Variants in DOK6 observed in about 807,000 individuals in gnomAD.
The protein encoded by DOK6 is downstream of tyrosine kinase 6.
In DOK6, 22 loss-of-function variants were observed where a neutral mutation model predicts 44.0. The observed-to-expected ratio is 0.50, with a 90% CI of 0.36 to 0.71. DOK6 has a LOEUF of 0.71. Among genes scored for constraint, DOK6 ranks in the 30% least tolerant of loss-of-function variants. The pLI is 0.00. For synonymous variants in DOK6, 166 were observed against 145.5 expected (o/e 1.14, Z -1.01); for missense variants, 340 against 416.4 (o/e 0.82, Z 1.60).
chr18:69,436,055 C>A (rs1277735912), intron 1 of DOK6, among the ~76,000 whole-genome samples: 1 of 151,972 alleles, frequency 6.6e-6, no homozygotes, highest in East Asian at 1.9e-4. Flanking sequence ...AATTACAGTT[C>A]TTACACCTTA....
At chr18:69,403,971 G>A (rs2122378427) in intron 1 of DOK6, among the ~76,000 whole-genome samples, 1 of 152,206 alleles carries the variant, frequency 6.6e-6, no homozygotes, top group East Asian at 1.9e-4. Context: ...TGTGATTTAT[G>A]TCCAAAACTA....
chr18:69,764,879 A>G (rs1243288339), intron 7 of DOK6, among the ~76,000 whole-genome samples: 1 of 152,152 alleles, frequency 6.6e-6, no homozygotes, highest in Non-Finnish European at 1.5e-5. Context: ...ATTAATATCC[A>G]CAGGCCAGCT....
At chr18:69,639,673 C>G (rs966780416) in intron 3 of DOK6, among the ~76,000 whole-genome samples, 9 of 151,638 alleles carry the variant, frequency 5.9e-5, no homozygotes, top group Admixed American at 5.9e-4. Context: ...AGCATGGCAT[C>G]GAATTGTGTA....
At chr18:69,803,913 A>G (rs1184564592) in intron 7 of DOK6, among the ~76,000 whole-genome samples, 1 of 152,212 alleles carries the variant, frequency 6.6e-6, no homozygotes, top group Non-Finnish European at 1.5e-5. Context: ...AGTGCAGAAA[A>G]GTTGCAGGAA....
At chr18:69,475,845 G>A (rs1446774102) in intron 1 of DOK6, among the ~76,000 whole-genome samples, 1 of 152,102 alleles carries the variant, frequency 6.6e-6, no homozygotes, top group African/African-American at 2.4e-5. Context: ...TAAACAATAT[G>A]AGCCACTTAT....
chr18:69,776,829 A>G (rs1980081809), intron 7 of DOK6, among the ~76,000 whole-genome samples: 1 of 152,116 alleles, frequency 6.6e-6, no homozygotes, highest in Non-Finnish European at 1.5e-5. Context: ...AATATATTCT[A>G]AAGAAATGTA....
chr18:69,457,800 C>T (rs1339463210), intron 1 of DOK6, among the ~76,000 whole-genome samples: 1 of 152,152 alleles, frequency 6.6e-6, no homozygotes. Flanking sequence ...TTTGTGTCAT[C>T]TCAGATTTAT....
At chr18:69,672,695 T>G (rs1467320636) in intron 3 of DOK6, among the ~76,000 whole-genome samples, 1 of 59,018 alleles carries the variant, frequency 1.7e-5, no homozygotes, top group Non-Finnish European at 3.3e-5. Context: ...CTTCCCACTA[T>G]TAAAAAAAAA....
At chr18:69,757,490 AG>A (rs1304767464) in intron 6 of DOK6, among the ~76,000 whole-genome samples, 1 of 152,262 alleles carries the variant, frequency 6.6e-6, no homozygotes, top group East Asian at 1.9e-4. Flanking sequence ...AGTGTTTGCC[AG>A]CATTCCCCAT....
chr18:69,575,610 T>C (rs1983220273), intron 2 of DOK6, among the ~76,000 whole-genome samples: 2 of 152,060 alleles, frequency 1.3e-5, no homozygotes, highest in Non-Finnish European at 1.5e-5. Context: ...TAAGAAATGC[T>C]TTTAAAAATT....
At chr18:69,796,862 C>G (rs1376252422) in intron 7 of DOK6, among the ~76,000 whole-genome samples, 1 of 152,150 alleles carries the variant, frequency 6.6e-6, no homozygotes, top group African/African-American at 2.4e-5. Flanking sequence ...TACATAACTC[C>G]TCCTAAGGCT....
At chr18:69,626,711 G>T (rs1477144729) in intron 3 of DOK6, among the ~76,000 whole-genome samples, 1 of 152,210 alleles carries the variant, frequency 6.6e-6, no homozygotes, top group Non-Finnish European at 1.5e-5. Flanking sequence ...GCTCATCAAA[G>T]TTAGACCCTC....
chr18:69,643,142 T>C (rs1194002128), intron 3 of DOK6, among the ~76,000 whole-genome samples: 2 of 152,238 alleles, frequency 1.3e-5, no homozygotes, highest in Admixed American at 1.3e-4. Context: ...TTTACTGAAG[T>C]AGCTGTACAT....
At chr18:69,495,567 T>C (rs1161925269) in intron 1 of DOK6, among the ~76,000 whole-genome samples, 2 of 152,126 alleles carry the variant, frequency 1.3e-5, no homozygotes, top group Admixed American at 1.3e-4. Flanking sequence ...TGCACACTGA[T>C]TGGTCCATGG....
At chr18:69,533,334 C>T (rs1982035556) in intron 1 of DOK6, among the ~76,000 whole-genome samples, 1 of 152,102 alleles carries the variant, frequency 6.6e-6, no homozygotes, top group South Asian at 2.1e-4. Context: ...ATTGTGTTCT[C>T]ATTATCCCCC....
At chr18:69,759,857 C>T (rs1979486055) in intron 7 of DOK6, among the ~76,000 whole-genome samples, 1 of 152,098 alleles carries the variant, frequency 6.6e-6, no homozygotes, top group Admixed American at 6.6e-5. Context: ...GTGATGATTA[C>T]AGAGTGAAAA....
intron 1 of DOK6, among the ~76,000 whole-genome samples, chr18:69,501,686 A>T (rs1343003321): frequency 1.3e-5 from 2 of 152,118 alleles, no homozygotes; most frequent in African/African-American, 4.8e-5. Context: ...AGCTTTTCTG[A>T]TAAGTCTGTA....
rs548608309 is a variant in DOK6 at position 69,572,034 on chromosome 18, T to A, written c.174+7440T>A. Reference sequence around the variant, plus strand: ...AAATATTGTGTTCTTTGACCATAGATGTTTTAAATGTGAAATCAATAACAA... The same window carrying A: ...AAATATTGTGTTCTTTGACCATAGAAGTTTTAAATGTGAAATCAATAACAA... On this transcript the variant is annotated intron_variant, in intron 2 of 7. Coordinates refer to ENST00000382713, the MANE Select transcript of DOK6 (RefSeq NM_152721.6). Among the ~76,000 whole-genome samples, 23 of 152,272 alleles carry A rather than the reference T, an allele frequency of 1.5e-4. No individual in the cohort carries two copies. The South Asian group carries it at 4.6e-3, about 30-fold the overall frequency.
intron 1 of DOK6, among the ~76,000 whole-genome samples, chr18:69,498,233 A>G (rs944796625): frequency 6.6e-6 from 1 of 152,192 alleles, no homozygotes; most frequent in African/African-American, 2.4e-5. Context: ...GAAATAAAAT[A>G]AAATTTTAAT....
Sources: gnomAD v4.1 joint callset for allele counts (sites outside exome capture counted in the v4.1 genomes callset) on GRCh38, gnomAD v4.1.1 for gene constraint, MANE v1.5 for transcripts, NCBI Gene and HGNC (gene_info 2026-07-23, HGNC 2026-07-21) for gene names.